CRYL1: variants seen among roughly 807,000 people sequenced by gnomAD.
CRYL1 encodes the protein lambda-crystallin homolog.
Under a neutral mutation model 36.6 loss-of-function variants are expected in CRYL1, and 29 were observed. That is an observed-to-expected ratio of 0.79 (90% CI 0.59 to 1.08). The LOEUF (loss-of-function observed/expected upper bound fraction) is 1.08. Among genes scored for constraint, CRYL1 ranks in the 50% least tolerant of loss-of-function variants. The pLI, the probability that CRYL1 is intolerant of heterozygous loss-of-function variation, is 0.00. For missense variants in CRYL1, 411 were observed against 407.9 expected, an observed-to-expected ratio of 1.01 and a Z score of -0.06; for synonymous variants, 152 against 151.5, an observed-to-expected ratio of 1.00 and a Z score of -0.02.
chr13:20,493,899 GT>G (rs1286606448), intron 2 of CRYL1, among the ~76,000 whole-genome samples: 5 of 152,158 alleles, frequency 3.3e-5, no homozygotes. Context: ...AACAATGTCT[GT>G]TTCTGCGACA....
chr13:20,479,584 T>G lies in CRYL1; in HGVS notation c.276+9786A>C, dbSNP rs543246866. On this transcript the variant is annotated intron_variant, in intron 3 of 7. Transcript: ENST00000298248. ...TACACAGCCACTAGAAAGTGTTAAATGTTGATTAATATAAGTAGAATATGA... is the reference window on the plus strand; with the variant it reads ...TACACAGCCACTAGAAAGTGTTAAAGGTTGATTAATATAAGTAGAATATGA... Among the ~76,000 whole-genome samples, 4 of 152,296 alleles carry G rather than the reference T, an allele frequency of 2.6e-5. No individual in the cohort carries two copies. In the South Asian group the frequency reaches 8.3e-4, roughly 32 times the overall value.
intron 6 of CRYL1, chr13:20,406,153 C>T (rs1040399110): frequency 6.6e-6 from 1 of 152,176 alleles, no homozygotes; most frequent in African/African-American, 2.4e-5. Flanking sequence ...TGGGGACAAA[C>T]GAAGCTGCAG....
chr13:20,516,731 T>C (rs1369126678), intron 1 of CRYL1, among the ~76,000 whole-genome samples: 1 of 151,948 alleles, frequency 6.6e-6, no homozygotes, highest in Non-Finnish European at 1.5e-5. Context: ...CCACCTGCCT[T>C]GGCCTCCAAA....
In CRYL1 at chr13:20,456,605, AACAC is replaced by A. The variant is rs900472819; in HGVS notation, c.277-16855_277-16852del. On this transcript the variant is annotated intron_variant, in intron 3 of 7. Transcript: ENST00000298248. ...GCCTGGGCAAGACCACGATTCTTAA[AACAC>A]ACACACACACACACACACACACACA... 2.9e-3 allele frequency among the ~76,000 whole-genome samples: 188 copies of A among 64,720 alleles called. 1 individual carries two copies. Among genetic ancestry groups the A allele is most frequent in the African/African-American group, 4.8e-3 (94 of 19,728 alleles). 42.5% of individuals were successfully genotyped at this position (64,720 alleles called of 152,430 possible).
chr13:20,507,718 A>C (rs1158885634), intron 2 of CRYL1, among the ~76,000 whole-genome samples: 1 of 151,934 alleles, frequency 6.6e-6, no homozygotes, highest in Admixed American at 6.5e-5. Flanking sequence ...GGAGATCGAG[A>C]CCATCCTGGC....
At chr13:20,421,077 T>A (rs961377214) in intron 5 of CRYL1, among the ~76,000 whole-genome samples, 1 of 139,592 alleles carries the variant, frequency 7.2e-6, no homozygotes, top group African/African-American at 2.6e-5. Flanking sequence ...AAAAAAAAAA[T>A]GGAAAGGAAA....
intron 3 of CRYL1, among the ~76,000 whole-genome samples, chr13:20,446,055 A>G (rs1161981746): frequency 3.3e-5 from 5 of 152,216 alleles, no homozygotes; most frequent in African/African-American, 1.2e-4. Flanking sequence ...AATGGGCACT[A>G]CTTTACTTAT....
At chr13:20,515,000 G>A (rs2033976931) in intron 1 of CRYL1, among the ~76,000 whole-genome samples, 1 of 152,116 alleles carries the variant, frequency 6.6e-6, no homozygotes, top group Non-Finnish European at 1.5e-5. Flanking sequence ...ATATAACAGA[G>A]CTATTCAGCC....
At chr13:20,473,351 T>C (rs1055433170) in intron 3 of CRYL1, among the ~76,000 whole-genome samples, 2 of 152,176 alleles carry the variant, frequency 1.3e-5, no homozygotes, top group African/African-American at 4.8e-5. Context: ...TATGTGGAAA[T>C]TTCCAGACTT....
At chr13:20,409,186 A>C (rs1294445098) in intron 6 of CRYL1, among the ~76,000 whole-genome samples, 5 of 151,508 alleles carry the variant, frequency 3.3e-5, no homozygotes, top group Non-Finnish European at 5.9e-5. Flanking sequence ...AGCCCTCAGA[A>C]ATAATGCTGC....
intron 1 of CRYL1, among the ~76,000 whole-genome samples, chr13:20,520,795 T>C (rs927179522): frequency 5.9e-5 from 9 of 152,150 alleles, no homozygotes; most frequent in African/African-American, 2.2e-4. Context: ...GTGAAACCAC[T>C]GGGTTTCCTC....
intron 3 of CRYL1, among the ~76,000 whole-genome samples, chr13:20,485,588 G>A (rs2033379278): frequency 1.3e-5 from 2 of 151,982 alleles, no homozygotes; most frequent in South Asian, 2.1e-4. Flanking sequence ...AGAATCCCTT[G>A]AGCCCAGGAG....
rs1301832265 is a variant in CRYL1, at chr13:20,525,659, AC to A, written c.41+94del. 86 of 1,042,604 alleles carry A rather than the reference AC, an allele frequency of 8.2e-5. No individual in the cohort carries two copies. The highest frequency in any genetic ancestry group is 9.9e-5 in the Non-Finnish European group (80 of 807,066). 64.6% of individuals were successfully genotyped at this position (1,042,604 alleles called of 1,614,324 possible). On this transcript the variant is annotated intron_variant, in intron 1 of 7. Transcript: ENST00000298248. This position sits in a 1 kb window ranked among gnomAD's most constrained non-coding sequence, Gnocchi z 4.3. ...ACCGGAGGCCGGGGCGGGGACAGCG[AC>A]CCGGCGCCCACCCCGAGGGCCCCAC...
intron 1 of CRYL1, chr13:20,513,316 G>T (rs889651895): frequency 1.3e-5 from 2 of 152,110 alleles, no homozygotes; most frequent in East Asian, 3.9e-4. Flanking sequence ...CCATGTCTTA[G>T]GCAAGTCAAT....
intron 3 of CRYL1, among the ~76,000 whole-genome samples, chr13:20,488,603 A>G (rs909788062): frequency 2.5e-4 from 38 of 152,374 alleles, no homozygotes; most frequent in African/African-American, 8.9e-4. Context: ...GAATATCAAC[A>G]GAGTAACGAC....
chr13:20,445,364 G>C (rs1346218901), intron 3 of CRYL1, among the ~76,000 whole-genome samples: 8 of 152,108 alleles, frequency 5.3e-5, no homozygotes, highest in Admixed American at 5.2e-4. Flanking sequence ...ACTGCCCCAG[G>C]CTTCCAGTTG....
At chr13:20,424,656 G>A (rs9509208) in intron 5 of CRYL1, among the ~76,000 whole-genome samples, 110,063 of 152,152 alleles carry the variant, frequency 0.72, 41,111 homozygotes, top group Admixed American at 0.83. Flanking sequence ...AGACTGAACC[G>A]GTCACAGAAG....
chr13:20,492,059 G>C (rs1161166888), intron 2 of CRYL1, among the ~76,000 whole-genome samples: 2 of 152,152 alleles, frequency 1.3e-5, no homozygotes. Flanking sequence ...AGGTAAAAAG[G>C]AAACGCAGAC....
At chr13:20,431,413 A>G (rs2032056511) in intron 5 of CRYL1, 1 of 985,298 alleles carries the variant, frequency 1.0e-6, no homozygotes, top group Non-Finnish European at 1.2e-6. Flanking sequence ...AAGCTGGGCA[A>G]GTGCCATAAG....
Sources: allele counts gnomAD v4.1 joint callset (sites outside exome capture counted in the v4.1 genomes callset), GRCh38; gene constraint gnomAD v4.1.1; non-coding constraint Gnocchi (gnomAD v3.1); transcripts MANE v1.5; gene names NCBI Gene and HGNC (gene_info 2026-07-23, HGNC 2026-07-21).